The following PALS2 variants were observed in gnomAD, a reference collection of about 807,000 sequenced individuals.
The protein encoded by PALS2 is protein associated with LIN7 2, MAGUK p55 family member.
A neutral mutation model predicts 61.6 loss-of-function variants in PALS2; 27 were observed. That is an observed-to-expected ratio of 0.44 (90% CI 0.32 to 0.60). The LOEUF (loss-of-function observed/expected upper bound fraction) is 0.60, where lower values mean the gene tolerates loss of function less well. Among genes scored for constraint, PALS2 ranks in the 20% least tolerant of loss-of-function variants. PALS2 has a pLI of 0.05. For synonymous variants in PALS2, 236 were observed against 218.6 expected, an observed-to-expected ratio of 1.08 and a Z score of -0.70; for missense variants, 554 against 639.4, an observed-to-expected ratio of 0.87 and a Z score of 1.44.
intron 9 of PALS2, among the ~76,000 whole-genome samples, chr7:24,678,265 G>A (rs542200038): frequency 2.6e-5 from 4 of 152,302 alleles, no homozygotes; most frequent in African/African-American, 9.6e-5. Context: ...GTCTCTGAAA[G>A]TATTCAAAGC....
At chr7:24,623,543 C>T in intron 1 of PALS2, 123 bp from the exon 2 acceptor site, 32 of 564,846 alleles carry the variant, frequency 5.7e-5, no homozygotes, top group Middle Eastern at 2.8e-4. Context: ...GTTATTTTTC[C>T]AAAGAGTATT....
chr7:24,663,634 C>G lies in PALS2; in HGVS notation c.696C>G (p.Asn232Lys). ...CHFDYNPYND[N>K]LIPCKEAGLK... ...TTGATTATAATCCATACAATGACAA[C>G]CTAATACCTTGCAAAGAAGCAGGAT... The change falls in exon 6 of 12, where the codon AAC becomes AAG. Residue 232 changes from asparagine to lysine, a missense_variant. Coordinates refer to ENST00000222644, the MANE Select transcript of PALS2 (RefSeq NM_001303037.2). The G allele has an allele frequency of 6.3e-7, 1 of 1,594,490 alleles. No individual in the cohort carries two copies. The highest frequency in any genetic ancestry group is 8.6e-7 in the Non-Finnish European group (1 of 1,162,952).
At chr7:24,610,641 A>G (rs1784082207) in intron 1 of PALS2, among the ~76,000 whole-genome samples, 1 of 152,184 alleles carries the variant, frequency 6.6e-6, no homozygotes, top group East Asian at 1.9e-4. Flanking sequence ...AACTCTGGTT[A>G]TGGTCAAATC....
intron 5 of PALS2, among the ~76,000 whole-genome samples, chr7:24,655,126 G>A (rs1786348343): frequency 6.6e-6 from 1 of 152,150 alleles, no homozygotes; most frequent in Non-Finnish European, 1.5e-5. Context: ...TTTCTACATT[G>A]CTGGTGGCAG....
chr7:24,654,481 C>A (rs1786316066), intron 5 of PALS2, among the ~76,000 whole-genome samples: 1 of 152,076 alleles, frequency 6.6e-6, no homozygotes, highest in Admixed American at 6.6e-5. Context: ...ATGTCATCAG[C>A]AAACGTCTAG....
intron 8 of PALS2, among the ~76,000 whole-genome samples, chr7:24,666,640 C>G (rs567307403): frequency 6.6e-4 from 100 of 152,206 alleles, no homozygotes; most frequent in African/African-American, 2.3e-3. Flanking sequence ...TGTTTAATAG[C>G]TTGATCGAGG....
chr7:24,644,081 A>C (rs980019666), intron 3 of PALS2, among the ~76,000 whole-genome samples: 3 of 148,912 alleles, frequency 2.0e-5, no homozygotes, highest in African/African-American at 7.5e-5. Context: ...GCCTAAATCA[A>C]TATTTTCTTT....
At chr7:24,627,147 G>A (rs1043617190) in intron 2 of PALS2, among the ~76,000 whole-genome samples, 4 of 152,010 alleles carry the variant, frequency 2.6e-5, no homozygotes, top group Non-Finnish European at 5.9e-5. Flanking sequence ...GCAAAAGAAC[G>A]GAAATCATAA....
chr7:24,668,323 A>G (rs907075630), intron 8 of PALS2, among the ~76,000 whole-genome samples, 176 bp from the exon 9 acceptor site: 1 of 152,132 alleles, frequency 6.6e-6, no homozygotes, highest in Non-Finnish European at 1.5e-5. Flanking sequence ...CAATAATAAA[A>G]TAATTATTAT....
At chr7:24,646,879 G>A (rs542359065) in intron 3 of PALS2, among the ~76,000 whole-genome samples, 71 of 152,124 alleles carry the variant, frequency 4.7e-4, no homozygotes, top group Non-Finnish European at 8.7e-4. Flanking sequence ...CTCAGTCTTC[G>A]GAGGTTGTAT....
intron 2 of PALS2, among the ~76,000 whole-genome samples, chr7:24,637,462 T>G (rs1785294814): frequency 6.6e-6 from 1 of 152,088 alleles, no homozygotes; most frequent in Admixed American, 6.5e-5. Flanking sequence ...ATCTTGAGTT[T>G]TAGGTCTCTA....
chr7:24,674,975 T>C lies in PALS2; in HGVS notation c.1115-4156T>C, dbSNP rs534639715. On this transcript the variant is annotated intron_variant, in intron 9 of 11. Coordinates refer to ENST00000222644, the MANE Select transcript of PALS2 (RefSeq NM_001303037.2). ...AAAAATTACTTCTAAAAAATCACAT[T>C]ATGTAGTTGCGCAGTATAGAAGTCT... is the stretch of plus-strand genomic sequence containing the variant. Among the ~76,000 whole-genome samples, 34 of 152,316 alleles carry C rather than the reference T, an allele frequency of 2.2e-4. No individual in the cohort carries two copies. In the South Asian group the frequency reaches 6.0e-3, roughly 27 times the overall value.
At position 24,690,134 on chromosome 7, in the gene PALS2, C is replaced by T. The variant is rs1052745572; in HGVS notation, c.*2520C>T. ...TAAAATGAAATGATGCAGTTTAGTTCATTTCAGTCTAGATGCCCGTACTAA... is the reference window on the plus strand; with the variant it reads ...TAAAATGAAATGATGCAGTTTAGTTTATTTCAGTCTAGATGCCCGTACTAA... On this transcript the variant is annotated 3_prime_UTR_variant, in exon 12 of 12. Transcript: ENST00000222644. 2.6e-5 allele frequency: 4 copies of T among 152,168 alleles called. No homozygotes were observed. Among genetic ancestry groups the T allele is most frequent in the Non-Finnish European group, 4.4e-5 (3 of 68,016 alleles). 9.4% of individuals were successfully genotyped at this position (152,168 alleles called of 1,614,324 possible). A position where few individuals can be genotyped will look rare whatever the true frequency, so the allele number is the denominator to read the frequency against.
At chr7:24,624,338 C>T (rs1784645901) in intron 2 of PALS2, among the ~76,000 whole-genome samples, 1 of 152,036 alleles carries the variant, frequency 6.6e-6, no homozygotes, top group Admixed American at 6.5e-5. Context: ...AATGTATTAC[C>T]TATTTTACAA....
At chr7:24,608,410 TCA>T (rs565330634) in intron 1 of PALS2, among the ~76,000 whole-genome samples, 38 of 152,260 alleles carry the variant, frequency 2.5e-4, no homozygotes, top group African/African-American at 8.9e-4. Flanking sequence ...TATTACTTCT[TCA>T]ACTATTTCCT....
chr7:24,659,007 C>T (rs542415151), intron 5 of PALS2, among the ~76,000 whole-genome samples: 1 of 152,274 alleles, frequency 6.6e-6, no homozygotes, highest in South Asian at 2.1e-4. Flanking sequence ...TCCTCTTATC[C>T]TCTGCCTTCA....
At position 24,650,577 on chromosome 7, in the gene PALS2, A is replaced by G; in HGVS notation, c.516A>G (p.Gly172=). 6.2e-7 allele frequency: 1 copy of G among 1,613,256 alleles called. No homozygotes were observed. The highest frequency in any genetic ancestry group is 8.5e-7 in the Non-Finnish European group (1 of 1,179,418). ...ATCGACAAGGTCTACTTCATGTGGG[A>G]GATATAATTAAAGAAGTCAATGGCC... is the stretch of plus-strand genomic sequence containing the variant. ...MIDRQGLLHV[G]DIIKEVNGHE... The change falls in exon 5 of 12, where the codon GGA becomes GGG. Residue 172 remains glycine (G), a synonymous_variant. Coordinates refer to ENST00000222644, the MANE Select transcript of PALS2 (RefSeq NM_001303037.2).
In PALS2 at chr7:24,660,811, A is replaced by T. The variant is rs536606187; in HGVS notation, c.652-2779A>T. Among the ~76,000 whole-genome samples the T allele has an allele frequency of 2.6e-5, 4 of 152,364 alleles. No individual in the cohort carries two copies. In the East Asian group the frequency reaches 7.7e-4, roughly 29 times the overall value. ...GCTATTGCCAAATTGTCCTCCCAAG[A>T]GGTTGAACCATTCTTCCACAAGCCT... On this transcript the variant is annotated intron_variant, in intron 5 of 11. Coordinates refer to ENST00000222644, the MANE Select transcript of PALS2 (RefSeq NM_001303037.2).
chr7:24,592,681 T>G (rs1783336945), intron 1 of PALS2, among the ~76,000 whole-genome samples: 1 of 152,132 alleles, frequency 6.6e-6, no homozygotes, highest in Non-Finnish European at 1.5e-5. Flanking sequence ...CACACAAATT[T>G]TTTTATTTCC....
Sources: gnomAD v4.1 joint callset for allele counts (sites outside exome capture counted in the v4.1 genomes callset) on GRCh38, gnomAD v4.1.1 for gene constraint, MANE v1.5 for transcripts, NCBI Gene and HGNC (gene_info 2026-07-23, HGNC 2026-07-21) for gene names.